Variants in B3GALT1 observed in about 807,000 individuals in gnomAD.
B3GALT1 encodes UDP-Gal:betaGlcNAc beta 1,3-galactosyltransferase, polypeptide 1.
B3GALT1 carries 10 observed loss-of-function variants against 23.2 expected under a neutral mutation model. That is an observed-to-expected ratio of 0.43 (90% CI 0.27 to 0.73). The LOEUF (loss-of-function observed/expected upper bound fraction) is 0.73. B3GALT1 is among the 30% of genes least tolerant of loss of function. B3GALT1 has a pLI of 0.21. For synonymous variants in B3GALT1, 156 were observed against 141.5 expected (o/e 1.10, Z -0.73); for missense variants, 299 against 405.4 (o/e 0.74, Z 2.25).
intron 1 of B3GALT1, among the ~76,000 whole-genome samples, chr2:167,437,098 G>A (rs925090212): frequency 3.9e-5 from 6 of 152,122 alleles, no homozygotes; most frequent in Non-Finnish European, 8.8e-5. Context: ...TTCTGGAGAT[G>A]CAAGGTGACA....
At chr2:167,623,242 A>G (rs1685290163) in intron 2 of B3GALT1, among the ~76,000 whole-genome samples, 1 of 152,136 alleles carries the variant, frequency 6.6e-6, no homozygotes, top group Non-Finnish European at 1.5e-5. Flanking sequence ...CAGAAATACC[A>G]TTTGATCCAG....
At chr2:167,863,007 A>C (rs1690134314) in intron 4 of B3GALT1, among the ~76,000 whole-genome samples, 1 of 152,224 alleles carries the variant, frequency 6.6e-6, no homozygotes, top group Admixed American at 6.5e-5. Flanking sequence ...ATGTGTCATC[A>C]GTGTCTGTGG....
chr2:167,835,599 G>C (rs1448123442), intron 4 of B3GALT1, among the ~76,000 whole-genome samples: 5 of 152,254 alleles, frequency 3.3e-5, no homozygotes, highest in African/African-American at 1.2e-4. Flanking sequence ...CCACCTCTGG[G>C]GGCAGGGCAC....
At chr2:167,843,846 T>C (rs1037604136) in intron 4 of B3GALT1, among the ~76,000 whole-genome samples, 1 of 152,170 alleles carries the variant, frequency 6.6e-6, no homozygotes, top group African/African-American at 2.4e-5. Flanking sequence ...GCACTATGAG[T>C]ATGATCTGAG....
At chr2:167,296,262 T>C (rs1696348183) in intron 1 of B3GALT1, among the ~76,000 whole-genome samples, 1 of 152,206 alleles carries the variant, frequency 6.6e-6, no homozygotes, top group African/African-American at 2.4e-5. Context: ...TGCTAATAGA[T>C]ACAATTATTT....
intron 2 of B3GALT1, among the ~76,000 whole-genome samples, chr2:167,561,500 A>G (rs1010235027): frequency 9.9e-5 from 15 of 152,220 alleles, no homozygotes; most frequent in African/African-American, 3.6e-4. Context: ...CCCTTCAAAA[A>G]ATTAATGAAT....
chr2:167,296,740 A>G (rs996326735), intron 1 of B3GALT1, among the ~76,000 whole-genome samples: 1 of 152,216 alleles, frequency 6.6e-6, no homozygotes, highest in Non-Finnish European at 1.5e-5. Context: ...GTGTGAATGA[A>G]TACATACACT....
intron 1 of B3GALT1, among the ~76,000 whole-genome samples, chr2:167,451,453 T>C (rs893671329): frequency 2.6e-5 from 4 of 152,100 alleles, no homozygotes; most frequent in African/African-American, 9.7e-5. Context: ...GCTGTAGTGA[T>C]TGTTATCTCT....
chr2:167,385,813 A>G (rs1356353345), intron 1 of B3GALT1, among the ~76,000 whole-genome samples: 1 of 152,152 alleles, frequency 6.6e-6, no homozygotes, highest in Non-Finnish European at 1.5e-5. Context: ...CTACCATCGA[A>G]TTCCACTTTG....
chr2:167,736,336 G>A (rs369194536), intron 3 of B3GALT1, among the ~76,000 whole-genome samples: 6 of 152,220 alleles, frequency 3.9e-5, no homozygotes, highest in African/African-American at 1.2e-4. Context: ...ATACTGAAAG[G>A]CTATGTCAAA....
intron 1 of B3GALT1, among the ~76,000 whole-genome samples, chr2:167,322,610 C>T (rs73015845): frequency 0.015 from 2,230 of 151,874 alleles, 54 homozygotes; most frequent in East Asian, 0.082. Context: ...TATTTGGTAG[C>T]GATTTTGCAA....
At chr2:167,627,386 T>C (rs1685366235) in intron 2 of B3GALT1, among the ~76,000 whole-genome samples, 1 of 151,736 alleles carries the variant, frequency 6.6e-6, no homozygotes, top group Non-Finnish European at 1.5e-5. Context: ...TCTATCAGTT[T>C]GCCTTTTCTG....
chr2:167,333,019 C>A (rs943576711), intron 1 of B3GALT1, among the ~76,000 whole-genome samples: 1 of 152,156 alleles, frequency 6.6e-6, no homozygotes. Flanking sequence ...ACAAGCATAC[C>A]TTTCCTAAAA....
chr2:167,681,195 T>C (rs540340430), intron 3 of B3GALT1, among the ~76,000 whole-genome samples: 166 of 152,302 alleles, frequency 1.1e-3, no homozygotes, highest in Admixed American at 4.6e-3. Flanking sequence ...ATAGAAATAT[T>C]AACTCCCAGC....
chr2:167,759,392 G>A (rs1687866288), intron 3 of B3GALT1, among the ~76,000 whole-genome samples: 1 of 152,234 alleles, frequency 6.6e-6, no homozygotes, highest in African/African-American at 2.4e-5. Context: ...ATAGTCTGAT[G>A]CTATGTGGAG....
chr2:167,337,382 A>G (rs1697076578), intron 1 of B3GALT1, among the ~76,000 whole-genome samples: 1 of 151,984 alleles, frequency 6.6e-6, no homozygotes, highest in South Asian at 2.1e-4. Flanking sequence ...ATACACACAC[A>G]TGCACACGCA....
In B3GALT1 at chr2:167,515,750, T is replaced by C. The variant is rs535340350; in HGVS notation, c.-410+25473T>C. Among the ~76,000 whole-genome samples, 7 of 152,222 alleles carry C rather than the reference T, an allele frequency of 4.6e-5. No individual in the cohort carries two copies. In the East Asian group the frequency reaches 1.2e-3, roughly 25 times the overall value. ...TGAAAACTTTTTTGTAAAATCATGA[T>C]GTAATGACTTAAATTTGAGACCCTC... On this transcript the variant is annotated intron_variant, in intron 2 of 4. Transcript: ENST00000392690.
At chr2:167,727,103 AC>A (rs11296910) in intron 3 of B3GALT1, among the ~76,000 whole-genome samples, 29,926 of 151,862 alleles carry the variant, frequency 0.2, 3,348 homozygotes, top group East Asian at 0.41. Flanking sequence ...AGGCATCTTT[AC>A]TTTTTTTTTT....
intron 1 of B3GALT1, among the ~76,000 whole-genome samples, chr2:167,424,433 G>C (rs1484365412): frequency 6.6e-6 from 1 of 152,142 alleles, no homozygotes; most frequent in African/African-American, 2.4e-5. Context: ...GGACTTCATT[G>C]ATCACTGAAA....
Sources: allele counts gnomAD v4.1 joint callset (sites outside exome capture counted in the v4.1 genomes callset), GRCh38; gene constraint gnomAD v4.1.1; transcripts MANE v1.5; gene names NCBI Gene and HGNC (gene_info 2026-07-23, HGNC 2026-07-21).